The following GARIN5A variants were observed in gnomAD, a reference collection of about 807,000 sequenced individuals.
GARIN5A encodes golgi associated RAB2 interactor 5A.
At chr19:50,475,969 G>A in the GARIN5A span, 1 of 1,606,768 alleles carries the variant, frequency 6.2e-7, no homozygotes, top group African/African-American at 1.3e-5. Flanking sequence ...GACGAAGTCT[G>A]GGGGTCGATC....
At chr19:50,467,543 C>G in the GARIN5A span, 20 of 1,501,378 alleles carry the variant, frequency 1.3e-5, no homozygotes, top group African/African-American at 2.8e-4. Context: ...CTGCGCTTCC[C>G]CCCTCTCCTC....
At chr19:50,475,647 G>A in the GARIN5A span, 7 of 685,954 alleles carry the variant, frequency 1.0e-5, no homozygotes, top group Non-Finnish European at 1.7e-5. Context: ...TGAGGCAAGG[G>A]AGTTACAGGC....
At chr19:50,472,234 ATGTG>A in the GARIN5A span, among the ~76,000 whole-genome samples, 6 of 71,752 alleles carry the variant, frequency 8.4e-5, no homozygotes, top group East Asian at 1.9e-3. Flanking sequence ...ATATACATGT[ATGTG>A]TGTATTATAT....
chr19:50,472,014 G>A, the GARIN5A span, among the ~76,000 whole-genome samples: 5 of 142,278 alleles, frequency 3.5e-5, no homozygotes, highest in Admixed American at 1.4e-4. Context: ...GTATATATAC[G>A]TGTGTATATG....
the GARIN5A span, among the ~76,000 whole-genome samples, chr19:50,473,957 AGCCT>A: frequency 6.6e-6 from 1 of 152,046 alleles, no homozygotes; most frequent in Non-Finnish European, 1.5e-5. Context: ...ACTGCACTCC[AGCCT>A]GGAGACTCTG....
the GARIN5A span, among the ~76,000 whole-genome samples, chr19:50,468,653 G>A: frequency 1.3e-5 from 2 of 151,884 alleles, no homozygotes; most frequent in African/African-American, 2.4e-5. Context: ...GCTCAGGCTG[G>A]AGTGCAGTGG....
chr19:50,472,016 GTGTATA>G, the GARIN5A span, among the ~76,000 whole-genome samples: 928 of 148,244 alleles, frequency 6.3e-3, 19 homozygotes, highest in African/African-American at 0.022. Flanking sequence ...ATATATACGT[GTGTATA>G]TGTATATGTA....
the GARIN5A span, chr19:50,475,702 G>C: frequency 1.4e-6 from 1 of 724,784 alleles, no homozygotes; most frequent in South Asian, 1.7e-5. Context: ...TGGGGTGTCA[G>C]AGATCACATA....
the GARIN5A span, among the ~76,000 whole-genome samples, chr19:50,471,685 T>G: frequency 2.1e-5 from 3 of 141,610 alleles, no homozygotes; most frequent in African/African-American, 9.4e-5. Context: ...TACATGCACG[T>G]GTGTGTATAC....
At chr19:50,474,727 TCTGC>T in the GARIN5A span, among the ~76,000 whole-genome samples, 4 of 152,122 alleles carry the variant, frequency 2.6e-5, no homozygotes, top group African/African-American at 7.2e-5. Context: ...CCTCAAATGA[TCTGC>T]CTGCCTTGGC....
chr19:50,475,344 C>T, the GARIN5A span: 100 of 1,599,446 alleles, frequency 6.3e-5, 1 homozygote, highest in African/African-American at 1.1e-3. Context: ...TGCAGGTGTC[C>T]GTTCTCCTTG....
chr19:50,471,941 A>AGTATATATACATGTAT, the GARIN5A span, among the ~76,000 whole-genome samples: 1 of 134,980 alleles, frequency 7.4e-6, no homozygotes, highest in Non-Finnish European at 1.5e-5. Flanking sequence ...TATGTGTGTA[A>AGTATATATACATGTAT]GTATATATAC....
the GARIN5A span, chr19:50,476,823 C>T: frequency 1.1e-5 from 6 of 531,178 alleles, no homozygotes; most frequent in Admixed American, 3.8e-5. Flanking sequence ...GGAGGGGCCT[C>T]GCCAGTGCAC....
the GARIN5A span, chr19:50,476,746 C>G: frequency 1.2e-6 from 1 of 820,690 alleles, no homozygotes; most frequent in African/African-American, 1.8e-5. Context: ...CGGAAGGAGG[C>G]TGCGCAGGGC....
the GARIN5A span, among the ~76,000 whole-genome samples, chr19:50,469,397 G>A: frequency 6.6e-6 from 1 of 152,132 alleles, no homozygotes; most frequent in Non-Finnish European, 1.5e-5. Flanking sequence ...CCGGTCTGAC[G>A]GAGCCCCACA....
the GARIN5A span, among the ~76,000 whole-genome samples, chr19:50,469,861 A>G: frequency 6.6e-6 from 1 of 152,216 alleles, no homozygotes; most frequent in African/African-American, 2.4e-5. Context: ...CGAGATGCCA[A>G]CAAACCCCAG....
At chr19:50,471,414 G>T in the GARIN5A span, among the ~76,000 whole-genome samples, 1 of 151,886 alleles carries the variant, frequency 6.6e-6, no homozygotes, top group Non-Finnish European at 1.5e-5. Flanking sequence ...GACTACAGGC[G>T]CCCATCATCA....
the GARIN5A span, among the ~76,000 whole-genome samples, chr19:50,469,299 C>A: frequency 6.6e-6 from 1 of 152,222 alleles, no homozygotes; most frequent in East Asian, 1.9e-4. Context: ...CCTCATCGCC[C>A]TGTGTTTCAG....
the GARIN5A span, chr19:50,476,192 C>T: frequency 1.2e-6 from 2 of 1,613,766 alleles, no homozygotes; most frequent in East Asian, 2.2e-5. Flanking sequence ...GCCGCGATCC[C>T]GCCTCATTGC....
Sources: gnomAD v4.1 joint callset for allele counts (sites outside exome capture counted in the v4.1 genomes callset) on GRCh38, gnomAD v4.1.1 for gene constraint, MANE v1.5 for transcripts, NCBI Gene and HGNC (gene_info 2026-07-23, HGNC 2026-07-21) for gene names.